Variants in ARL15 observed in about 807,000 individuals in gnomAD.
ARL15 encodes the protein ADP-ribosylation factor-like protein 15.
In ARL15, 19 loss-of-function variants were observed where a neutral mutation model predicts 25.2. That is an observed-to-expected ratio of 0.75 (90% CI 0.53 to 1.10). The LOEUF (loss-of-function observed/expected upper bound fraction) is 1.10, where lower values mean the gene tolerates loss of function less well. Among genes scored for constraint, ARL15 ranks in the 50% least tolerant of loss-of-function variants. ARL15 has a pLI of 0.00. For missense variants in ARL15, 220 were observed against 246.0 expected, an observed-to-expected ratio of 0.89 and a Z score of 0.71; for synonymous variants, 94 against 86.8, an observed-to-expected ratio of 1.08 and a Z score of -0.46.
intron 1 of ARL15, among the ~76,000 whole-genome samples, chr5:54,243,086 A>G (rs576112542): frequency 6.6e-6 from 1 of 152,358 alleles, no homozygotes; most frequent in Non-Finnish European, 1.5e-5. Context: ...TACATCTCCA[A>G]GTATCAACAA....
intron 1 of ARL15, among the ~76,000 whole-genome samples, chr5:54,192,189 C>T (rs985725105): frequency 3.3e-5 from 5 of 151,738 alleles, no homozygotes; most frequent in African/African-American, 1.2e-4. Context: ...TCTTTGCTCA[C>T]ATATCACCTT....
At chr5:54,017,863 A>G (rs1749475651) in intron 4 of ARL15, among the ~76,000 whole-genome samples, 1 of 152,140 alleles carries the variant, frequency 6.6e-6, no homozygotes, top group Non-Finnish European at 1.5e-5. Context: ...CGTCAAGAAA[A>G]TCGGAATGGA....
intron 1 of ARL15, chr5:54,310,226 C>A (rs943830646): frequency 3.5e-6 from 2 of 572,716 alleles, no homozygotes; most frequent in Non-Finnish European, 6.0e-6. Flanking sequence ...CCAGGCCGCA[C>A]CTTTACCTGT....
intron 1 of ARL15, among the ~76,000 whole-genome samples, chr5:54,174,089 T>A (rs921300117): frequency 6.6e-6 from 1 of 152,156 alleles, no homozygotes; most frequent in Admixed American, 6.5e-5. Flanking sequence ...TTCTTATTCA[T>A]CACCAGCCTG....
At chr5:54,251,623 T>C (rs1416343534) in intron 1 of ARL15, among the ~76,000 whole-genome samples, 2 of 152,212 alleles carry the variant, frequency 1.3e-5, no homozygotes, top group African/African-American at 2.4e-5. Flanking sequence ...TAAGGAGCTA[T>C]TCCTAAAGAC....
Position 54,069,581 on chromosome 5 carries a change from A to AAAC in ARL15, c.462+43620_462+43621insGTT, listed in dbSNP as rs1554038051. ...CTCAAAAAAAAAAAAAAAAAAAAAAAAAACCACGAAAAAACCAAAACTTAA... is the reference window on the plus strand; with the variant it reads ...CTCAAAAAAAAAAAAAAAAAAAAAAAAACAAACCACGAAAAAACCAAAACTTAA... On this transcript the variant is annotated intron_variant, in intron 4 of 4. Coordinates refer to ENST00000504924, the MANE Select transcript of ARL15 (RefSeq NM_019087.3). Among the ~76,000 whole-genome samples the AAAC allele has an allele frequency of 3.7e-4, 48 of 130,640 alleles. 2 individuals carry two copies. The highest frequency in any genetic ancestry group is 9.6e-4 in the Admixed American group (13 of 13,504). 85.7% of individuals were successfully genotyped at this position (130,640 alleles called of 152,430 possible). A position where few individuals can be genotyped will look rare whatever the true frequency, so the allele number is the denominator to read the frequency against.
chr5:53,949,182 T>C (rs1049167178), intron 4 of ARL15, among the ~76,000 whole-genome samples: 1 of 152,144 alleles, frequency 6.6e-6, no homozygotes, highest in African/African-American at 2.4e-5. Flanking sequence ...TTAATTCCCA[T>C]TGGATATGGT....
At chr5:54,234,324 A>G (rs910484681) in intron 1 of ARL15, among the ~76,000 whole-genome samples, 8 of 152,014 alleles carry the variant, frequency 5.3e-5, no homozygotes, top group Admixed American at 5.2e-4. Flanking sequence ...GCATTAGTAA[A>G]AAAAAAAAAA....
chr5:53,894,726 G>A lies in ARL15; in HGVS notation c.463-8013C>T, dbSNP rs532855073. On this transcript the variant is annotated intron_variant, in intron 4 of 4. Transcript: ENST00000504924. ...GAGGGATTCCTGCATCCAGGCCTTT[G>A]CTCCAACTACTGCTTCCAACCCTAG... Among the ~76,000 whole-genome samples the A allele has an allele frequency of 4.6e-4, 70 of 152,224 alleles. 1 individual carries two copies. Among genetic ancestry groups the A allele is most frequent in the South Asian group, 4.1e-4 (2 of 4,820 alleles).
At chr5:54,048,884 A>C (rs1750617456) in intron 4 of ARL15, among the ~76,000 whole-genome samples, 1 of 151,620 alleles carries the variant, frequency 6.6e-6, no homozygotes, top group Non-Finnish European at 1.5e-5. Flanking sequence ...ACTGTGGCCC[A>C]CCAGTCAGAG....
intron 3 of ARL15, among the ~76,000 whole-genome samples, chr5:54,152,506 T>C (rs1754095834): frequency 6.6e-6 from 1 of 152,162 alleles, no homozygotes. Context: ...AATTGGATTC[T>C]ACTCAGAAAG....
chr5:54,113,159 A>G (rs1291824522), intron 4 of ARL15, 43 bp downstream of exon 4: 11 of 1,593,974 alleles, frequency 6.9e-6, no homozygotes, highest in East Asian at 4.5e-5. Flanking sequence ...CAGCAAAAGT[A>G]CAAGCAAGGA....
chr5:54,202,470 G>T (rs1015837645), intron 1 of ARL15, among the ~76,000 whole-genome samples: 2 of 152,144 alleles, frequency 1.3e-5, no homozygotes, highest in Admixed American at 6.6e-5. Context: ...ATGAAAAGGG[G>T]CCAATAGCCA....
intron 3 of ARL15, among the ~76,000 whole-genome samples, chr5:54,143,212 A>C (rs1406094506): frequency 6.6e-6 from 1 of 152,058 alleles, no homozygotes; most frequent in East Asian, 1.9e-4. Flanking sequence ...AAATTTCCCT[A>C]CTAATTGTGG....
chr5:54,170,288 T>C (rs547629868), intron 2 of ARL15, among the ~76,000 whole-genome samples: 2 of 152,278 alleles, frequency 1.3e-5, no homozygotes, highest in Middle Eastern at 3.4e-3. Context: ...ATCATCTCAG[T>C]TGCACCATCA....
At chr5:54,188,778 C>T (rs1755312485) in intron 1 of ARL15, among the ~76,000 whole-genome samples, 1 of 152,104 alleles carries the variant, frequency 6.6e-6, no homozygotes, top group South Asian at 2.1e-4. Flanking sequence ...TCCAGTAGGG[C>T]AGAGAATAAA....
chr5:54,295,890 T>G (rs1410754240), intron 1 of ARL15, among the ~76,000 whole-genome samples: 1 of 152,202 alleles, frequency 6.6e-6, no homozygotes, highest in Non-Finnish European at 1.5e-5. Context: ...GCTCTGCTTC[T>G]CAAAAGCAGA....
At chr5:54,087,389 C>T (rs1751998979) in intron 4 of ARL15, among the ~76,000 whole-genome samples, 1 of 152,094 alleles carries the variant, frequency 6.6e-6, no homozygotes, top group Non-Finnish European at 1.5e-5. Context: ...AGATCTTGGG[C>T]TGCAGCTCCT....
At chr5:54,009,280 G>A (rs1456619952) in intron 4 of ARL15, among the ~76,000 whole-genome samples, 1 of 152,182 alleles carries the variant, frequency 6.6e-6, no homozygotes, top group Non-Finnish European at 1.5e-5. Flanking sequence ...GGAACTTCAA[G>A]TAACTTAGCA....
Sources: allele counts gnomAD v4.1 joint callset (sites outside exome capture counted in the v4.1 genomes callset), GRCh38; gene constraint gnomAD v4.1.1; transcripts MANE v1.5; gene names NCBI Gene and HGNC (gene_info 2026-07-23, HGNC 2026-07-21).